NEGR1: variants seen among roughly 807,000 people sequenced by gnomAD.
NEGR1 encodes IgLON family member 4.
Under a neutral mutation model 40.9 loss-of-function variants are expected in NEGR1, and 10 were observed. The ratio of observed to expected loss-of-function variants is 0.24; its 90% confidence interval spans 0.15 to 0.42. The LOEUF is 0.42. Ranked by LOEUF, NEGR1 falls within the 10% of genes least tolerant of loss-of-function variation. NEGR1 has a pLI of 1.00. For synonymous variants in NEGR1, 185 were observed against 166.8 expected (o/e 1.11, Z -0.84); for missense variants, 352 against 438.9 (o/e 0.80, Z 1.77).
intron 4 of NEGR1, among the ~76,000 whole-genome samples, chr1:71,650,832 C>T (rs1434688095): frequency 2.6e-5 from 4 of 152,056 alleles, no homozygotes; most frequent in Non-Finnish European, 5.9e-5. Context: ...TCTTATTTTG[C>T]TTTGTAATGA....
chr1:71,446,162 T>C (rs1646581451), intron 6 of NEGR1, among the ~76,000 whole-genome samples: 1 of 152,184 alleles, frequency 6.6e-6, no homozygotes, highest in African/African-American at 2.4e-5. Flanking sequence ...TTAGCAAATA[T>C]GTTTCCCTTT....
chr1:71,858,861 G>T (rs999328537), intron 2 of NEGR1, among the ~76,000 whole-genome samples: 4 of 151,924 alleles, frequency 2.6e-5, no homozygotes, highest in African/African-American at 9.7e-5. Context: ...TATTTTTGTG[G>T]TTTTTTAAAA....
chr1:71,940,184 G>C (rs1428803280), intron 1 of NEGR1, among the ~76,000 whole-genome samples: 1 of 152,142 alleles, frequency 6.6e-6, no homozygotes, highest in Admixed American at 6.6e-5. Flanking sequence ...GAACATTTTA[G>C]CAGCAAGTGA....
intron 3 of NEGR1, among the ~76,000 whole-genome samples, chr1:71,749,988 C>CT (rs768011020): frequency 0.16 from 21,377 of 136,578 alleles, 1,949 homozygotes; most frequent in East Asian, 0.18. Flanking sequence ...TTGCTCCTTT[C>CT]TTTTTTTTTT....
chr1:71,725,376 C>T (rs547429302), intron 3 of NEGR1, among the ~76,000 whole-genome samples: 35 of 152,092 alleles, frequency 2.3e-4, no homozygotes, highest in African/African-American at 7.2e-4. Flanking sequence ...CACCTTGATC[C>T]GTCATTGCAG....
intron 1 of NEGR1, among the ~76,000 whole-genome samples, chr1:72,110,960 T>A (rs145472325): frequency 1.5e-4 from 23 of 151,796 alleles, no homozygotes; most frequent in African/African-American, 4.8e-4. Context: ...AAAGAATGTA[T>A]GAAATAGTTA....
intron 6 of NEGR1, among the ~76,000 whole-genome samples, chr1:71,524,534 G>C (rs1032183410): frequency 1.3e-5 from 2 of 151,468 alleles, no homozygotes; most frequent in Non-Finnish European, 3.0e-5. Context: ...CTGAATATTG[G>C]AAAAATTCAA....
chr1:71,875,135 C>G (rs903876108), intron 2 of NEGR1, among the ~76,000 whole-genome samples: 2 of 152,134 alleles, frequency 1.3e-5, no homozygotes, highest in Non-Finnish European at 2.9e-5. Flanking sequence ...GTTTCAGCCA[C>G]TGTGCCTGGC....
At chr1:71,935,377 C>T in intron 1 of NEGR1, 66 bp from the exon 2 acceptor site, 1 of 1,168,384 alleles carries the variant, frequency 8.6e-7, no homozygotes, top group Non-Finnish European at 1.3e-6. Flanking sequence ...TTATTTTGTT[C>T]TGAGTGTTTT....
chr1:72,038,747 T>C (rs889011091), intron 1 of NEGR1, among the ~76,000 whole-genome samples: 10 of 152,136 alleles, frequency 6.6e-5, no homozygotes, highest in Middle Eastern at 3.4e-3. Flanking sequence ...GATGTTAATA[T>C]GGATGCTCCA....
At chr1:71,825,444 T>C (rs1182142563) in intron 2 of NEGR1, among the ~76,000 whole-genome samples, 1 of 151,950 alleles carries the variant, frequency 6.6e-6, no homozygotes, top group Admixed American at 6.6e-5. Context: ...CTCTTTAAAA[T>C]ATGATTCTGA....
intron 2 of NEGR1, among the ~76,000 whole-genome samples, chr1:71,930,758 G>T (rs1314475711): frequency 1.3e-5 from 2 of 152,122 alleles, no homozygotes; most frequent in Non-Finnish European, 2.9e-5. Flanking sequence ...AAATATCCTT[G>T]TGATCAGCCG....
At chr1:71,568,298 T>G (rs1228591378) in intron 6 of NEGR1, among the ~76,000 whole-genome samples, 2 of 152,136 alleles carry the variant, frequency 1.3e-5, no homozygotes. Context: ...AACCACAAAG[T>G]ATGATGAACT....
intron 1 of NEGR1, among the ~76,000 whole-genome samples, chr1:72,243,522 T>C (rs989287707): frequency 6.6e-6 from 1 of 151,834 alleles, no homozygotes; most frequent in African/African-American, 2.4e-5. Context: ...GATTTATATG[T>C]CTGTTTTTAC....
intron 2 of NEGR1, among the ~76,000 whole-genome samples, chr1:71,897,960 G>C (rs1196897888): frequency 6.6e-6 from 1 of 152,028 alleles, no homozygotes. Context: ...TTATAGTTTT[G>C]GTTCCTTTAG....
intron 1 of NEGR1, among the ~76,000 whole-genome samples, chr1:72,127,322 G>C (rs1443462600): frequency 6.6e-6 from 1 of 151,796 alleles, no homozygotes; most frequent in Non-Finnish European, 1.5e-5. Flanking sequence ...AAATTAGCCA[G>C]GGGTGGTGGC....
At chr1:71,929,395 C>T (rs1412570201) in intron 2 of NEGR1, among the ~76,000 whole-genome samples, 1 of 152,044 alleles carries the variant, frequency 6.6e-6, no homozygotes, top group African/African-American at 2.4e-5. Context: ...AAAATATTAA[C>T]AGCATGAGGT....
At chr1:71,885,731 T>C (rs1660705470) in intron 2 of NEGR1, among the ~76,000 whole-genome samples, 1 of 152,200 alleles carries the variant, frequency 6.6e-6, no homozygotes, top group Admixed American at 6.5e-5. Context: ...AGAATAAATT[T>C]TCCTTGATTA....
At chr1:71,446,493 C>A (rs1646583516) in intron 6 of NEGR1, among the ~76,000 whole-genome samples, 1 of 152,064 alleles carries the variant, frequency 6.6e-6, no homozygotes, top group Admixed American at 6.5e-5. Context: ...GTGCACAATA[C>A]TATTGAGAAA....
Sources: gnomAD v4.1 joint callset for allele counts (sites outside exome capture counted in the v4.1 genomes callset) on GRCh38, gnomAD v4.1.1 for gene constraint, MANE v1.5 for transcripts, NCBI Gene and HGNC (gene_info 2026-07-23, HGNC 2026-07-21) for gene names.